LRRC69: variants seen among roughly 807,000 people sequenced by gnomAD.
The protein encoded by LRRC69 is leucine-rich repeat-containing protein 69.
A neutral mutation model predicts 37.8 loss-of-function variants in LRRC69; 42 were observed. The ratio of observed to expected loss-of-function variants is 1.11; its 90% CI spans 0.87 to 1.44. The LOEUF (loss-of-function observed/expected upper bound fraction) is 1.44, where lower values mean the gene tolerates loss of function less well. Ranked by LOEUF, LRRC69 falls within the 40% of genes most tolerant of loss-of-function variation. LRRC69 has a pLI of 0.00. For missense variants in LRRC69, 357 were observed against 401.9 expected (o/e 0.89, Z 0.96); for synonymous variants, 141 against 143.1 (o/e 0.99, Z 0.11).
At chr8:91,108,622 AG>A (rs1813359920) in intron 1 of LRRC69, among the ~76,000 whole-genome samples, 1 of 152,048 alleles carries the variant, frequency 6.6e-6, no homozygotes, top group Non-Finnish European at 1.5e-5. Flanking sequence ...ATCTAAAGCA[AG>A]CTTGTCTAAC....
At position 91,141,365 on chromosome 8, in the gene LRRC69, C is replaced by T. The variant is rs1808530352; in HGVS notation, c.651+5626C>T. ...CATATGACCTCATTTTAACTAGTTA[C>T]ATCTGCAAAGACTCTGTTTCCAAAT... On this transcript the variant is annotated intron_variant, in intron 5 of 7. Coordinates refer to ENST00000448384, the Ensembl canonical transcript of LRRC69. 2.0e-5 allele frequency among the ~76,000 whole-genome samples: 3 copies of T among 152,224 alleles called. No individual in the cohort carries two copies. The East Asian group carries it at 5.8e-4, about 29-fold the overall frequency.
chr8:91,184,009 G>A (rs553146108), intron 5 of LRRC69, among the ~76,000 whole-genome samples: 16 of 152,172 alleles, frequency 1.1e-4, no homozygotes, highest in South Asian at 2.1e-4. Flanking sequence ...GGCTTGGCAC[G>A]TGTCTCACAT....
chr8:91,106,814 G>A (rs2130472970), intron 1 of LRRC69, among the ~76,000 whole-genome samples: 1 of 151,670 alleles, frequency 6.6e-6, no homozygotes, highest in Non-Finnish European at 1.5e-5. Context: ...TCTTTTAAGA[G>A]ACAGGTCCTG....
intron 5 of LRRC69, among the ~76,000 whole-genome samples, chr8:91,175,898 T>G (rs960499454): frequency 4.6e-5 from 7 of 151,838 alleles, no homozygotes; most frequent in Non-Finnish European, 1.0e-4. Context: ...ATGATCACTA[T>G]TCACATTTTG....
chr8:91,106,649 C>T (rs1455946295), intron 1 of LRRC69, among the ~76,000 whole-genome samples: 1 of 151,840 alleles, frequency 6.6e-6, no homozygotes, highest in East Asian at 1.9e-4. Flanking sequence ...AGGTTGCTTT[C>T]GGCTCTATTG....
At chr8:91,186,856 T>C (rs1258159210) in intron 5 of LRRC69, among the ~76,000 whole-genome samples, 1 of 151,870 alleles carries the variant, frequency 6.6e-6, no homozygotes, top group Non-Finnish European at 1.5e-5. Flanking sequence ...TTCCAAAAGT[T>C]TTAAGAAGGT....
intron 5 of LRRC69, among the ~76,000 whole-genome samples, chr8:91,177,993 G>C (rs1290137257): frequency 6.6e-6 from 1 of 151,676 alleles, no homozygotes; most frequent in African/African-American, 2.4e-5. Context: ...GGACTACTGG[G>C]GCCCGCCACC....
intron 1 of LRRC69, among the ~76,000 whole-genome samples, chr8:91,121,084 A>G (rs1813610837): frequency 6.6e-6 from 1 of 151,834 alleles, no homozygotes; most frequent in Non-Finnish European, 1.5e-5. Flanking sequence ...TATTTATCTT[A>G]CATCATACAA....
At chr8:91,204,121 CAAA>C (rs768420210) in intron 7 of LRRC69, among the ~76,000 whole-genome samples, 10 of 52,428 alleles carry the variant, frequency 1.9e-4, no homozygotes, top group Admixed American at 2.2e-4. Flanking sequence ...GACTCCATCT[CAAA>C]AAAAAAAAAA....
chr8:91,215,207 G>T (rs1241980207), intron 7 of LRRC69, among the ~76,000 whole-genome samples: 1 of 152,044 alleles, frequency 6.6e-6, no homozygotes, highest in African/African-American at 2.4e-5. Flanking sequence ...CAGGAATTAG[G>T]ATGTGGACAT....
chr8:91,134,064 G>A (rs1462501497), intron 4 of LRRC69, among the ~76,000 whole-genome samples: 2 of 151,046 alleles, frequency 1.3e-5, no homozygotes, highest in East Asian at 3.9e-4. Context: ...TTTCTGTCCT[G>A]CCTTCTGCTT....
chr8:91,137,541 C>T (rs77778694), intron 5 of LRRC69, among the ~76,000 whole-genome samples: 4 of 151,998 alleles, frequency 2.6e-5, no homozygotes, highest in African/African-American at 7.2e-5. Context: ...CTTTCACCTT[C>T]GTAGTCTGTT....
At chr8:91,135,511 G>A (rs1813895420) in intron 4 of LRRC69, among the ~76,000 whole-genome samples, 157 bp from the exon 5 acceptor site, 1 of 152,076 alleles carries the variant, frequency 6.6e-6, no homozygotes, top group East Asian at 1.9e-4. Flanking sequence ...CAGGATATGG[G>A]GGTCTGCTCG....
chr8:91,176,134 A>ATATATTTTTTTTTT lies in LRRC69; in HGVS notation c.652-13387_652-13386insATATTTTTTTTTTT. Among the ~76,000 whole-genome samples the ATATATTTTTTTTTT allele has an allele frequency of 2.6e-3, 198 of 75,692 alleles. 3 individuals are homozygous for ATATATTTTTTTTTT. The highest frequency in any genetic ancestry group is 5.8e-3 in the South Asian group (10 of 1,726). 49.7% of individuals were successfully genotyped at this position (75,692 alleles called of 152,430 possible). ...ATCCCTCATATATATATATATATAT[A>ATATATTTTTTTTTT]TTTTTTTTTTTTCTTTTTTTTGAGA... On this transcript the variant is annotated intron_variant, in intron 5 of 7. Coordinates refer to ENST00000448384, the Ensembl canonical transcript of LRRC69.
At chr8:91,187,871 A>G (rs1809430560) in intron 5 of LRRC69, among the ~76,000 whole-genome samples, 1 of 152,150 alleles carries the variant, frequency 6.6e-6, no homozygotes, top group South Asian at 2.1e-4. Flanking sequence ...TGTGTCCTTC[A>G]CTTGCTTATT....
chr8:91,207,542 A>C (rs1234731389), intron 7 of LRRC69, among the ~76,000 whole-genome samples: 2 of 152,228 alleles, frequency 1.3e-5, no homozygotes, highest in Non-Finnish European at 2.9e-5. Context: ...TGCCTACCAC[A>C]GTGATTGTGT....
intron 7 of LRRC69, among the ~76,000 whole-genome samples, chr8:91,205,208 T>G (rs1037608704): frequency 6.6e-6 from 1 of 152,066 alleles, no homozygotes; most frequent in Non-Finnish European, 1.5e-5. Flanking sequence ...GTAGAGAGAT[T>G]TTATCAAGAG....
intron 1 of LRRC69, among the ~76,000 whole-genome samples, chr8:91,110,018 A>G (rs776681274): frequency 3.3e-5 from 5 of 152,060 alleles, no homozygotes; most frequent in African/African-American, 4.8e-5. Context: ...ACCTCCTTCC[A>G]TACGTTGGCC....
chr8:91,160,743 C>A (rs940593671), intron 5 of LRRC69, among the ~76,000 whole-genome samples: 5 of 151,270 alleles, frequency 3.3e-5, no homozygotes, highest in Non-Finnish European at 7.4e-5. Flanking sequence ...CTCTTTTCTT[C>A]ATAAACTACC....
Sources: gnomAD v4.1 joint callset for allele counts (sites outside exome capture counted in the v4.1 genomes callset) on GRCh38, gnomAD v4.1.1 for gene constraint, MANE v1.5 for transcripts, NCBI Gene and HGNC (gene_info 2026-07-23, HGNC 2026-07-21) for gene names.